RCN1: variants seen among roughly 807,000 people sequenced by gnomAD.
RCN1 encodes the protein reticulocalbin 1.
A neutral mutation model predicts 34.7 loss-of-function variants in RCN1; 14 were observed. That is an observed-to-expected ratio of 0.40 (90% CI 0.27 to 0.63). The LOEUF is 0.63. Ranked by LOEUF, RCN1 falls within the 30% of genes least tolerant of loss-of-function variation. RCN1 has a pLI of 0.37. For missense variants in RCN1, 326 were observed against 425.1 expected, an observed-to-expected ratio of 0.77 and a Z score of 2.05; for synonymous variants, 125 against 165.5, an observed-to-expected ratio of 0.76 and a Z score of 1.88.
intron 1 of RCN1, 67 bp downstream of exon 1, chr11:32,091,517 A>G (rs1236899626): frequency 6.6e-7 from 1 of 1,510,812 alleles, no homozygotes; most frequent in Non-Finnish European, 8.8e-7. Flanking sequence ...GGCGAGAGCC[A>G]CGCGGGATAC....
intron 1 of RCN1, among the ~76,000 whole-genome samples, chr11:32,093,923 C>A (rs1352114807): frequency 6.6e-6 from 1 of 152,040 alleles, no homozygotes; most frequent in Non-Finnish European, 1.5e-5. Context: ...ATCTAGACAC[C>A]AGTGGGAGGC....
At chr11:32,100,435 C>T in intron 3 of RCN1, 113 bp from the exon 4 acceptor site, 2 of 838,960 alleles carry the variant, frequency 2.4e-6, no homozygotes, top group Non-Finnish European at 4.0e-6. Context: ...GGCGATGAGC[C>T]AGAAGTCACC....
chr11:32,094,064 T>C (rs1344224808), intron 1 of RCN1, among the ~76,000 whole-genome samples: 1 of 152,074 alleles, frequency 6.6e-6, no homozygotes, highest in Non-Finnish European at 1.5e-5. Context: ...AGGTTAAATG[T>C]GGGGTAGAGG....
intron 3 of RCN1, among the ~76,000 whole-genome samples, chr11:32,098,871 C>T (rs1852004122): frequency 6.6e-6 from 1 of 152,066 alleles, no homozygotes; most frequent in African/African-American, 2.4e-5. Flanking sequence ...CTGGCAACAC[C>T]CAGCTGGCTG....
In RCN1 at chr11:32,104,359, C is replaced by G; in HGVS notation, c.889-6C>G. On this transcript the variant is annotated splice_polypyrimidine_tract_variant and splice_region_variant and intron_variant, in intron 5 of 5. Transcript: ENST00000054950. ...CCATGACAGTGCTCTTTGATCTCTT[C>G]TATAGGATGAGAAGCTAACTAAAGA... 13 of 1,543,084 alleles carry G rather than the reference C, an allele frequency of 8.4e-6. No individual in the cohort carries two copies. Among genetic ancestry groups the G allele is most frequent in the Non-Finnish European group, 1.2e-5 (13 of 1,115,632 alleles).
chr11:32,102,901 G>A (rs763691071), intron 4 of RCN1: 4 of 419,748 alleles, frequency 9.5e-6, no homozygotes, highest in Non-Finnish European at 1.8e-5. Context: ...ATTAGTTTTC[G>A]CTTATGTAGT....
intron 4 of RCN1, chr11:32,102,190 A>C (rs1292064525): frequency 6.6e-6 from 1 of 152,026 alleles, no homozygotes; most frequent in African/African-American, 2.4e-5. Context: ...TAGGAACCCT[A>C]CCTTCACCAA....
rs1852103170 is a variant in RCN1, at chr11:32,105,683, C to G, written c.*1211C>G. 1 of 152,060 alleles carries G rather than the reference C, an allele frequency of 6.6e-6. No individual in the cohort carries two copies. Among genetic ancestry groups the G allele is most frequent in the African/African-American group, 2.4e-5 (1 of 41,394 alleles). 9.4% of individuals were successfully genotyped at this position (152,060 alleles called of 1,614,324 possible). On this transcript the variant is annotated 3_prime_UTR_variant, in exon 6 of 6. Transcript: ENST00000054950. ...CAATTACTAGAATGTTCAGAATAGA[C>G]TCATATTTACTAATTTAATAAATGT...
chr11:32,091,692 A>C, intron 1 of RCN1: 3 of 495,830 alleles, frequency 6.1e-6, no homozygotes, highest in East Asian at 3.9e-5. Context: ...GGAGGCGAGA[A>C]CGTGGCAGCG....
intron 1 of RCN1, chr11:32,096,551 T>G (rs567347423): frequency 1.3e-5 from 2 of 152,270 alleles, no homozygotes; most frequent in South Asian, 4.1e-4. Flanking sequence ...GTCCACCATC[T>G]GGTGTCTTCT....
At chr11:32,096,823 C>G (rs1851976937) in intron 1 of RCN1, 1 of 255,900 alleles carries the variant, frequency 3.9e-6, no homozygotes, top group Non-Finnish European at 7.4e-6. Context: ...CAGATCAGCT[C>G]TGATCCGTTG....
At chr11:32,091,580 G>A in intron 1 of RCN1, 130 bp downstream of exon 1, 1 of 1,198,872 alleles carries the variant, frequency 8.3e-7, no homozygotes, top group South Asian at 1.6e-5. Flanking sequence ...ATGGGGCCCT[G>A]CCCAACTCGG....
chr11:32,097,079 G>A, intron 1 of RCN1, 65 bp from the exon 2 acceptor site: 1 of 1,327,778 alleles, frequency 7.5e-7, no homozygotes, highest in Non-Finnish European at 1.0e-6. Context: ...CATCACACAA[G>A]CCTTGATAAT....
chr11:32,092,007 G>A (rs1042874503), intron 1 of RCN1, among the ~76,000 whole-genome samples: 4 of 152,052 alleles, frequency 2.6e-5, no homozygotes, highest in Middle Eastern at 3.2e-3. Context: ...TAAATCTATC[G>A]TAAGGAGTCT....
intron 1 of RCN1, among the ~76,000 whole-genome samples, chr11:32,092,739 T>C (rs1851936035): frequency 6.6e-6 from 1 of 152,106 alleles, no homozygotes; most frequent in Non-Finnish European, 1.5e-5. Flanking sequence ...TCCTGCCTAT[T>C]GGGCACCAGG....
chr11:32,097,431 G>A (rs1851985906), intron 2 of RCN1, 94 bp downstream of exon 2: 1 of 880,468 alleles, frequency 1.1e-6, no homozygotes. Flanking sequence ...ACTCCCTTCA[G>A]GGAGATGTCA....
chr11:32,093,480 G>A (rs1284963671), intron 1 of RCN1, among the ~76,000 whole-genome samples: 2 of 152,200 alleles, frequency 1.3e-5, no homozygotes, highest in Non-Finnish European at 2.9e-5. Context: ...AGGAGAAGGA[G>A]CCGCCAAGGC....
In RCN1 at chr11:32,091,255, T is replaced by A; in HGVS notation, c.59T>A (p.Leu20Gln). The change falls in exon 1 of 6, where the codon CTG (leucine) becomes CAG (glutamine). Residue 20 changes from leucine to glutamine, a missense_variant. Leu to Gln is a moderately radical substitution (Grantham distance 113). Coordinates refer to ENST00000054950, the MANE Select transcript of RCN1 (RefSeq NM_002901.4). ...LGLALGLLLA[L>Q]VLAPRVLRAK... is the part of the protein sequence containing the mutation. ...TTAGCCCTGGGGCTGCTGCTGGCGC[T>A]GGTGCTGGCGCCGCGGGTTCTGCGG... The A allele has an allele frequency of 1.3e-6, 2 of 1,535,390 alleles. No individual in the cohort carries two copies. The highest frequency in any genetic ancestry group is 8.8e-7 in the Non-Finnish European group (1 of 1,141,118).
intron 1 of RCN1, among the ~76,000 whole-genome samples, chr11:32,095,246 C>CT (rs11454746): frequency 0.51 from 73,873 of 145,612 alleles, 18,490 homozygotes; most frequent in East Asian, 0.68. Context: ...ATGTTTTAGT[C>CT]TTTTTTTTTT....
Sources: allele counts gnomAD v4.1 joint callset (sites outside exome capture counted in the v4.1 genomes callset), GRCh38; gene constraint gnomAD v4.1.1; transcripts MANE v1.5; gene names NCBI Gene and HGNC (gene_info 2026-07-23, HGNC 2026-07-21).